POLE4: variants seen among roughly 807,000 people sequenced by gnomAD.
The protein encoded by POLE4 is DNA polymerase epsilon subunit 4.
POLE4 carries 15 observed loss-of-function variants against 15.6 expected under a neutral mutation model. The observed-to-expected ratio is 0.96, with a 90% CI of 0.64 to 1.48. The LOEUF (loss-of-function observed/expected upper bound fraction) is 1.48, where lower values mean the gene tolerates loss of function less well. Among genes scored for constraint, POLE4 ranks in the 40% most tolerant of loss-of-function variants. POLE4 has a pLI of 0.00. For missense variants in POLE4, 205 were observed against 151.9 expected (o/e 1.35, Z -1.84); for synonymous variants, 83 against 63.2 (o/e 1.31, Z -1.49).
Position 74,959,378 on chromosome 2 carries a change from G to T in POLE4, c.251G>T (p.Cys84Phe), listed in dbSNP as rs772167077. Reference sequence around the variant, plus strand: ...GAGACCATTGCAAAAGATGCCTACTGTTGCGCTCAGCAGGGAAAAAGGAAA... The same window carrying T: ...GAGACCATTGCAAAAGATGCCTACTTTTGCGCTCAGCAGGGAAAAAGGAAA... ...FVETIAKDAY[C>F]CAQQGKRKTL... Residue 84 changes from cysteine to phenylalanine, a missense_variant, in exon 2 of 4, where the codon TGT (cysteine) becomes TTT (phenylalanine). Transcript: ENST00000483063. 7 of 1,613,894 alleles carry T rather than the reference G, an allele frequency of 4.3e-6. No individual in the cohort carries two copies. In the Admixed American group the frequency reaches 1.2e-4, roughly 27 times the overall value.
chr2:74,969,623 A>G lies in POLE4; in HGVS notation c.*201A>G, dbSNP rs1306519526. The stretch of plus-strand genomic sequence containing the variant: ...TCCACTATTTCTGTCTGTCTTCCAT[A>G]TCAAGCCTGGATGCAGCTGCTGCTG... On this transcript the variant is annotated 3_prime_UTR_variant, in exon 4 of 4. Transcript: ENST00000483063. 4.8e-6 allele frequency: 3 copies of G among 625,106 alleles called. No individual in the cohort carries two copies. Among genetic ancestry groups the G allele is most frequent in the Non-Finnish European group, 8.7e-6 (3 of 346,582 alleles). The allele number at this position is 625,106 out of a possible 1,614,324, so 38.7% of individuals were successfully genotyped here.
chr2:74,967,945 C>T (rs999267841), intron 3 of POLE4, among the ~76,000 whole-genome samples: 1 of 152,162 alleles, frequency 6.6e-6, no homozygotes, highest in Non-Finnish European at 1.5e-5. Flanking sequence ...CTTTTGGGCT[C>T]TAGCTTAAGA....
chr2:74,963,592 T>C (rs1049474611), intron 3 of POLE4, among the ~76,000 whole-genome samples: 24 of 152,098 alleles, frequency 1.6e-4, no homozygotes, highest in African/African-American at 5.5e-4. Context: ...CAGCCCCCCC[T>C]CCCACGTTCA....
chr2:74,961,957 A>G (rs1671226480), intron 3 of POLE4, among the ~76,000 whole-genome samples: 1 of 152,198 alleles, frequency 6.6e-6, no homozygotes, highest in Non-Finnish European at 1.5e-5. Context: ...TTGAAAATCA[A>G]ATCGTTACCT....
chr2:74,958,940 GGGGCGGGGCCTCGGGGCCTCCCGC>G (rs1659770847), intron 1 of POLE4, 48 bp downstream of exon 1: 1 of 1,513,090 alleles, frequency 6.6e-7, no homozygotes, highest in Non-Finnish European at 8.9e-7. Context: ...GGTGGAGTGT[GGGGCGGGGCCTCGGGGCCTCCCGC>G]GGGCGGGGCT....
At chr2:74,959,581 G>A (rs1406876021) in intron 2 of POLE4, 156 bp downstream of exon 2, 1 of 584,826 alleles carries the variant, frequency 1.7e-6, no homozygotes, top group African/African-American at 1.9e-5. Flanking sequence ...AGCCCTACCT[G>A]TAGAGGCTGT....
chr2:74,962,945 A>C (rs959949397), intron 3 of POLE4, among the ~76,000 whole-genome samples: 1 of 152,226 alleles, frequency 6.6e-6, no homozygotes, highest in Non-Finnish European at 1.5e-5. Context: ...AACTGTTTTA[A>C]GTTAACACAT....
chr2:74,959,502 G>A (rs763681800), intron 2 of POLE4, 77 bp downstream of exon 2: 37 of 919,914 alleles, frequency 4.0e-5, no homozygotes, highest in African/African-American at 8.3e-5. Flanking sequence ...TTGAGAAGAC[G>A]TCACTCTGAT....
chr2:74,967,400 T>A (rs944588783), intron 3 of POLE4, among the ~76,000 whole-genome samples: 4 of 150,142 alleles, frequency 2.7e-5, no homozygotes, highest in Non-Finnish European at 4.5e-5. Flanking sequence ...ATCTGTTGTC[T>A]TTTTTTTTAG....
rs767613117 is a variant in POLE4, at chr2:74,969,436, C to A, written c.*14C>A. ...ACTTTAGATTGATTGCCGAGCGGGG[C>A]AGTTTTGTGAGCCTTCATCTGAAGC... On this transcript the variant is annotated 3_prime_UTR_variant, in exon 4 of 4. Coordinates refer to ENST00000483063, the MANE Select transcript of POLE4 (RefSeq NM_019896.4). The A allele has an allele frequency of 1.2e-6, 2 of 1,613,222 alleles. No homozygotes were observed. The highest frequency in any genetic ancestry group is 1.7e-6 in the Non-Finnish European group (2 of 1,179,176).
intron 2 of POLE4, chr2:74,959,819 A>T: frequency 2.1e-6 from 1 of 470,558 alleles, no homozygotes; most frequent in East Asian, 3.3e-5. Context: ...TTCTCTGACA[A>T]CTTTAAGAGC....
At chr2:74,962,092 A>G (rs781412593) in intron 3 of POLE4, among the ~76,000 whole-genome samples, 1 of 152,134 alleles carries the variant, frequency 6.6e-6, no homozygotes, top group Non-Finnish European at 1.5e-5. Flanking sequence ...TGTAGACGGT[A>G]TGTATTGACT....
chr2:74,962,646 A>G (rs1043063673), intron 3 of POLE4, among the ~76,000 whole-genome samples: 1 of 152,148 alleles, frequency 6.6e-6, no homozygotes, highest in Admixed American at 6.5e-5. Context: ...TGTGCTGTAA[A>G]TGTAAAGTCA....
intron 3 of POLE4, among the ~76,000 whole-genome samples, chr2:74,962,314 C>A (rs999472982): frequency 6.6e-6 from 1 of 151,974 alleles, no homozygotes; most frequent in East Asian, 1.9e-4. Flanking sequence ...TGCATGTATC[C>A]CTTTTCCCTT....
chr2:74,958,936 G>A (rs770980355), intron 1 of POLE4, 44 bp downstream of exon 1: 14 of 1,518,972 alleles, frequency 9.2e-6, no homozygotes, highest in Admixed American at 6.0e-5. Flanking sequence ...GGGAGGTGGA[G>A]TGTGGGGCGG....
intron 2 of POLE4, 29 bp downstream of exon 2, chr2:74,959,454 A>C: frequency 1.4e-6 from 2 of 1,439,168 alleles, no homozygotes; most frequent in Non-Finnish European, 2.0e-6. Flanking sequence ...GTCTGGGGAC[A>C]GACAAGGGAG....
rs1036790304 is a variant in POLE4 at position 74,958,646 on chromosome 2, G to A, written c.-34G>A. The A allele has an allele frequency of 7.9e-6, 11 of 1,391,860 alleles. No homozygotes were observed. The highest frequency in any genetic ancestry group is 4.9e-4 in the Middle Eastern group (2 of 4,086). 86.2% of individuals were successfully genotyped at this position (1,391,860 alleles called of 1,614,324 possible). A position where few individuals can be genotyped will look rare whatever the true frequency, so the allele number is the denominator to read the frequency against. On this transcript the variant is annotated 5_prime_UTR_variant, in exon 1 of 4. Transcript: ENST00000483063. ...GGCCTGCGCCGCATGCGCGCGCACA[G>A]TCGGCGGCCGCGCGCAGCACGCTCA...
chr2:74,964,333 G>A (rs1440703929), intron 3 of POLE4, among the ~76,000 whole-genome samples: 1 of 151,994 alleles, frequency 6.6e-6, no homozygotes, highest in Non-Finnish European at 1.5e-5. Flanking sequence ...GCATTTTCAT[G>A]TACATTTTAG....
chr2:74,968,179 C>T lies in POLE4; in HGVS notation c.341-1230C>T, dbSNP rs576876029. 3.3e-5 allele frequency among the ~76,000 whole-genome samples: 5 copies of T among 152,196 alleles called. No homozygotes were observed. The South Asian group carries it at 8.3e-4, about 25-fold the overall frequency. On this transcript the variant is annotated intron_variant, in intron 3 of 3. Coordinates refer to ENST00000483063, the MANE Select transcript of POLE4 (RefSeq NM_019896.4). ...CTTCAATTCCTGAAGATTTCCTTTT[C>T]TTATATATTTTATTTAGCTTTCTCA...
Sources: gnomAD v4.1 joint callset for allele counts (sites outside exome capture counted in the v4.1 genomes callset) on GRCh38, gnomAD v4.1.1 for gene constraint, MANE v1.5 for transcripts, NCBI Gene and HGNC (gene_info 2026-07-23, HGNC 2026-07-21) for gene names.